ITPR2: variants seen among roughly 807,000 people sequenced by gnomAD.
ITPR2 encodes inositol 1,4,5-trisphosphate-gated calcium channel ITPR2.
Under a neutral mutation model 317.1 loss-of-function variants are expected in ITPR2, and 207 were observed. The observed-to-expected ratio is 0.65, with a 90% CI of 0.58 to 0.73. The LOEUF is 0.73. Among genes scored for constraint, ITPR2 ranks in the 30% least tolerant of loss-of-function variants. ITPR2 has a pLI of 0.00. For synonymous variants in ITPR2, 1,156 were observed against 1,149.1 expected, an observed-to-expected ratio of 1.01 and a Z score of -0.12; for missense variants, 2,613 against 3,284.0, an observed-to-expected ratio of 0.80 and a Z score of 4.99.
At chr12:26,527,118 C>A (rs1046828016) in intron 37 of ITPR2, among the ~76,000 whole-genome samples, 1 of 152,214 alleles carries the variant, frequency 6.6e-6, no homozygotes, top group Non-Finnish European at 1.5e-5. Flanking sequence ...TCATCCCAAA[C>A]CTGTCAAAAG....
chr12:26,375,209 G>A (rs772855898), intron 55 of ITPR2, among the ~76,000 whole-genome samples: 4 of 152,154 alleles, frequency 2.6e-5, no homozygotes, highest in Non-Finnish European at 2.9e-5. Flanking sequence ...AGATCTTACC[G>A]TAATGACTAG....
chr12:26,404,002 A>G (rs1034925953), intron 52 of ITPR2, among the ~76,000 whole-genome samples: 4 of 152,120 alleles, frequency 2.6e-5, no homozygotes, highest in African/African-American at 7.2e-5. Flanking sequence ...GGGGTAGGGG[A>G]GGAAATATTC....
intron 55 of ITPR2, among the ~76,000 whole-genome samples, chr12:26,352,008 C>T (rs570502264): frequency 6.6e-5 from 10 of 152,262 alleles, no homozygotes; most frequent in Admixed American, 3.9e-4. Context: ...GTATTGAATA[C>T]TCAAGGGGGC....
intron 45 of ITPR2, among the ~76,000 whole-genome samples, chr12:26,447,134 C>G (rs1941626599): frequency 6.6e-6 from 1 of 151,984 alleles, no homozygotes; most frequent in South Asian, 2.1e-4. Flanking sequence ...GAATTTGATA[C>G]ATAAAATAGA....
chr12:26,406,329 T>C (rs1215703254), intron 52 of ITPR2: 1 of 152,128 alleles, frequency 6.6e-6, no homozygotes, highest in African/African-American at 2.4e-5. Context: ...AAAATAATTG[T>C]AATTGTATTT....
chr12:26,705,662 A>G (rs1007435896), intron 9 of ITPR2, among the ~76,000 whole-genome samples: 10 of 152,174 alleles, frequency 6.6e-5, no homozygotes, highest in African/African-American at 1.2e-4. Flanking sequence ...TCCCTCATCA[A>G]TTTGGCACCT....
chr12:26,360,134 C>T (rs1184678535), intron 55 of ITPR2, among the ~76,000 whole-genome samples: 1 of 152,114 alleles, frequency 6.6e-6, no homozygotes, highest in Admixed American at 6.5e-5. Flanking sequence ...AGGGGTGATG[C>T]CTACACAGTC....
At chr12:26,622,169 A>C in intron 25 of ITPR2, 71 bp downstream of exon 25, 1 of 1,381,836 alleles carries the variant, frequency 7.2e-7, no homozygotes, top group Admixed American at 2.2e-5. Context: ...TGCAGCCATG[A>C]AGTCAGGTTG....
At chr12:26,555,338 G>A (rs1025743260) in intron 36 of ITPR2, among the ~76,000 whole-genome samples, 11 of 152,126 alleles carry the variant, frequency 7.2e-5, no homozygotes, top group Admixed American at 2.0e-4. Flanking sequence ...AATTAGCTGG[G>A]ATGAGTCATG....
intron 2 of ITPR2, among the ~76,000 whole-genome samples, chr12:26,753,973 GA>G (rs374685405): frequency 2.7e-4 from 41 of 152,152 alleles, no homozygotes; most frequent in Middle Eastern, 3.4e-3. Flanking sequence ...AAGCTTAGGG[GA>G]TAAGTCCTTT....
chr12:26,481,283 C>T (rs767643861), intron 42 of ITPR2, 42 bp from the exon 43 acceptor site: 3 of 1,124,118 alleles, frequency 2.7e-6, no homozygotes, highest in Non-Finnish European at 4.0e-6. Context: ...TTATTCACAA[C>T]AGAATAGCAC....
At chr12:26,409,815 G>A (rs1271769256) in intron 52 of ITPR2, among the ~76,000 whole-genome samples, 6 of 152,098 alleles carry the variant, frequency 3.9e-5, no homozygotes, top group Admixed American at 2.0e-4. Flanking sequence ...ACCTGAAACC[G>A]AGAGATCTTC....
At chr12:26,702,408 T>G (rs55819939) in intron 9 of ITPR2, among the ~76,000 whole-genome samples, 11,741 of 29,152 alleles carry the variant, frequency 0.4, 1,204 homozygotes, top group Non-Finnish European at 0.45. Context: ...GGGGCGGGGG[T>G]GGGGGGTTGG....
intron 45 of ITPR2, among the ~76,000 whole-genome samples, chr12:26,463,693 AC>A (rs1565540920): frequency 4.4e-5 from 4 of 91,554 alleles, no homozygotes; most frequent in African/African-American, 1.2e-4. Context: ...AAACAAACAA[AC>A]AAACAAAAAA....
Position 26,732,690 on chromosome 12 carries a change from T to C in ITPR2, c.164-6925A>G, listed in dbSNP as rs149819787. On this transcript the variant is annotated intron_variant, in intron 2 of 56. Coordinates refer to ENST00000381340, the MANE Select transcript of ITPR2 (RefSeq NM_002223.4). Reference sequence around the variant, plus strand: ...GAACCAAGATCCTCTGAACCCTACGTAGTGTACTGTAGCCATGCAGAGATG... The same window carrying C: ...GAACCAAGATCCTCTGAACCCTACGCAGTGTACTGTAGCCATGCAGAGATG... 7.6e-4 allele frequency among the ~76,000 whole-genome samples: 116 copies of C among 152,322 alleles called. 1 individual carries two copies. The East Asian group carries it at 0.018, about 23-fold the overall frequency.
chr12:26,770,547 A>G (rs1305011137), intron 2 of ITPR2, among the ~76,000 whole-genome samples: 1 of 152,174 alleles, frequency 6.6e-6, no homozygotes, highest in Non-Finnish European at 1.5e-5. Flanking sequence ...CTAGATTTCA[A>G]TCACAGCTTT....
intron 32 of ITPR2, among the ~76,000 whole-genome samples, chr12:26,583,945 C>T (rs1945460439): frequency 6.6e-6 from 1 of 152,022 alleles, no homozygotes; most frequent in Non-Finnish European, 1.5e-5. Context: ...ATGAATTTTA[C>T]TATATATTTG....
intron 37 of ITPR2, among the ~76,000 whole-genome samples, chr12:26,547,343 G>A (rs1944412999): frequency 6.6e-6 from 1 of 152,078 alleles, no homozygotes; most frequent in Non-Finnish European, 1.5e-5. Context: ...AACTCAAAAT[G>A]ACAACAGGGT....
intron 45 of ITPR2, among the ~76,000 whole-genome samples, chr12:26,468,589 T>C (rs1942228099): frequency 6.6e-6 from 1 of 150,964 alleles, no homozygotes. Flanking sequence ...AAAAGATAAT[T>C]GCATCTGTAC....
Sources: gnomAD v4.1 joint callset for allele counts (sites outside exome capture counted in the v4.1 genomes callset) on GRCh38, gnomAD v4.1.1 for gene constraint, MANE v1.5 for transcripts, NCBI Gene and HGNC (gene_info 2026-07-23, HGNC 2026-07-21) for gene names.